The following PIK3C2G variants were observed in gnomAD, a reference collection of about 807,000 sequenced individuals.
PIK3C2G encodes the protein phosphatidylinositol 3-kinase C2 domain-containing subunit gamma.
PIK3C2G carries 168 observed loss-of-function variants against 181.1 expected under a neutral mutation model. The observed-to-expected ratio is 0.93, with a 90% CI of 0.82 to 1.05. The LOEUF (loss-of-function observed/expected upper bound fraction) is 1.05, where lower values mean the gene tolerates loss of function less well. Ranked by LOEUF, PIK3C2G falls within the 50% of genes least tolerant of loss-of-function variation. The pLI is 0.00. For synonymous variants in PIK3C2G, 573 were observed against 592.2 expected (o/e 0.97, Z 0.47); for missense variants, 1,869 against 1,732.8 (o/e 1.08, Z -1.40).
At chr12:18,474,821 A>C (rs769999584) in intron 18 of PIK3C2G, among the ~76,000 whole-genome samples, 3 of 152,148 alleles carry the variant, frequency 2.0e-5, no homozygotes. Flanking sequence ...ATTCTGGTTG[A>C]GTTAATGCCA....
chr12:18,350,960 T>A (rs12309567), intron 11 of PIK3C2G, among the ~76,000 whole-genome samples: 1 of 151,990 alleles, frequency 6.6e-6, no homozygotes, highest in Non-Finnish European at 1.5e-5. Context: ...ATATAATTAA[T>A]GAGCTTGATC....
chr12:18,318,114 T>C (rs1398846093), intron 6 of PIK3C2G, among the ~76,000 whole-genome samples: 3 of 152,232 alleles, frequency 2.0e-5, no homozygotes, highest in Admixed American at 6.5e-5. Flanking sequence ...TTGTGTGTTA[T>C]GTCAAAACAG....
chr12:18,464,294 A>C (rs1431574354), intron 18 of PIK3C2G, among the ~76,000 whole-genome samples: 1 of 152,010 alleles, frequency 6.6e-6, no homozygotes, highest in Non-Finnish European at 1.5e-5. Flanking sequence ...GGCTCCCTCA[A>C]ATCTCTTTTA....
At chr12:18,466,628 G>A (rs1327712536) in intron 18 of PIK3C2G, among the ~76,000 whole-genome samples, 1 of 151,890 alleles carries the variant, frequency 6.6e-6, no homozygotes, top group Non-Finnish European at 1.5e-5. Flanking sequence ...TTTAGTGAGT[G>A]CCTTCAAAAA....
At chr12:18,301,089 C>A (rs947472555) in intron 5 of PIK3C2G, among the ~76,000 whole-genome samples, 1 of 152,006 alleles carries the variant, frequency 6.6e-6, no homozygotes, top group East Asian at 1.9e-4. Flanking sequence ...AGGCTGATGG[C>A]GATTTCCTTC....
intron 13 of PIK3C2G, among the ~76,000 whole-genome samples, chr12:18,379,649 A>G (rs1385983810): frequency 6.6e-6 from 1 of 152,214 alleles, no homozygotes; most frequent in Non-Finnish European, 1.5e-5. Flanking sequence ...TCTGATATCC[A>G]AATGAAAGCC....
intron 1 of PIK3C2G, among the ~76,000 whole-genome samples, chr12:18,248,436 A>AGGTGGCGG (rs1400295513): frequency 6.6e-6 from 1 of 151,894 alleles, no homozygotes; most frequent in African/African-American, 2.4e-5. Context: ...TTAGCCGGCG[A>AGGTGGCGG]GGTGGCGGGC....
chr12:18,670,659 A>G, the PIK3C2G span, among the ~76,000 whole-genome samples: 5 of 152,254 alleles, frequency 3.3e-5, no homozygotes, highest in African/African-American at 4.8e-5. Context: ...ACATGTCTCT[A>G]TTACTATTAT....
intron 5 of PIK3C2G, among the ~76,000 whole-genome samples, chr12:18,294,746 A>T (rs937914164): frequency 1.3e-5 from 2 of 152,030 alleles, no homozygotes; most frequent in African/African-American, 4.8e-5. Context: ...CTAAACAGTA[A>T]AGTATTAAAG....
intron 31 of PIK3C2G, among the ~76,000 whole-genome samples, chr12:18,619,937 G>A (rs1390142984): frequency 1.3e-5 from 2 of 151,926 alleles, no homozygotes; most frequent in African/African-American, 2.4e-5. Flanking sequence ...TGTTAGCCAG[G>A]ATGTTCTCCA....
chr12:18,599,976 T>C (rs1442101738), intron 30 of PIK3C2G, among the ~76,000 whole-genome samples: 1 of 151,672 alleles, frequency 6.6e-6, no homozygotes, highest in Non-Finnish European at 1.5e-5. Flanking sequence ...AAGAAACACA[T>C]AAAAACACAC....
intron 30 of PIK3C2G, among the ~76,000 whole-genome samples, chr12:18,595,850 C>A (rs1248989054): frequency 6.6e-6 from 1 of 152,116 alleles, no homozygotes; most frequent in East Asian, 1.9e-4. Flanking sequence ...TGGTCTTGCC[C>A]TTTGGATAAA....
intron 18 of PIK3C2G, among the ~76,000 whole-genome samples, chr12:18,463,234 G>A (rs183984623): frequency 1.2e-3 from 184 of 152,092 alleles, no homozygotes; most frequent in Non-Finnish European, 2.4e-3. Context: ...ATATAGAATG[G>A]GCTATTTCAC....
chr12:18,542,779 T>A (rs977531748), intron 25 of PIK3C2G, among the ~76,000 whole-genome samples: 2 of 152,046 alleles, frequency 1.3e-5, no homozygotes, highest in Admixed American at 1.3e-4. Context: ...ATGGTGTATA[T>A]GTGCCACATT....
the PIK3C2G span, among the ~76,000 whole-genome samples, chr12:18,712,372 T>G: frequency 6.6e-6 from 1 of 152,168 alleles, no homozygotes; most frequent in Non-Finnish European, 1.5e-5. Flanking sequence ...AATTAAACAT[T>G]TTTGAATCCA....
At chr12:18,434,361 T>A (rs1360757386) in intron 18 of PIK3C2G, among the ~76,000 whole-genome samples, 1 of 152,116 alleles carries the variant, frequency 6.6e-6, no homozygotes, top group Admixed American at 6.6e-5. Flanking sequence ...ATTGAAACCA[T>A]TACATCCCCT....
downstream of PIK3C2G, among the ~76,000 whole-genome samples, chr12:18,652,318 C>T (rs998341910): frequency 6.6e-6 from 1 of 151,976 alleles, no homozygotes; most frequent in Non-Finnish European, 1.5e-5. Context: ...CAGATCTGCA[C>T]AGAAGGAAAA....
intron 14 of PIK3C2G, among the ~76,000 whole-genome samples, chr12:18,385,634 T>TCTCGGCTCACTGCAAC (rs1943118131): frequency 6.6e-6 from 1 of 152,086 alleles, no homozygotes; most frequent in African/African-American, 2.4e-5. Flanking sequence ...AGTGGCGCGA[T>TCTCGGCTCACTGCAAC]CTCGGCTCAC....
chr12:18,658,475 A>G, the PIK3C2G span, among the ~76,000 whole-genome samples: 4 of 152,148 alleles, frequency 2.6e-5, no homozygotes, highest in Non-Finnish European at 5.9e-5. Flanking sequence ...AATCCTCAAT[A>G]AGATTAATGG....
Sources: gnomAD v4.1 joint callset for allele counts (sites outside exome capture counted in the v4.1 genomes callset) on GRCh38, gnomAD v4.1.1 for gene constraint, MANE v1.5 for transcripts, NCBI Gene and HGNC (gene_info 2026-07-23, HGNC 2026-07-21) for gene names.